The following PSD3 variants were observed in gnomAD, a reference collection of about 807,000 sequenced individuals.
PSD3 encodes pleckstrin and Sec7 domain containing 3, also known as PH and SEC7 domain-containing protein 3.
Under a neutral mutation model 105.5 loss-of-function variants are expected in PSD3, and 49 were observed. The ratio of observed to expected loss-of-function variants is 0.46; its 90% CI spans 0.37 to 0.59. The LOEUF is 0.59. Among genes scored for constraint, PSD3 ranks in the 20% least tolerant of loss-of-function variants. The pLI is 0.00. For synonymous variants in PSD3, 557 were observed against 457.8 expected (o/e 1.22, Z -2.77); for missense variants, 1,561 against 1,263.8 (o/e 1.24, Z -3.57).
intron 9 of PSD3, among the ~76,000 whole-genome samples, chr8:18,666,268 C>G (rs1287598758): frequency 6.6e-6 from 1 of 152,206 alleles, no homozygotes; most frequent in Non-Finnish European, 1.5e-5. Context: ...CCAGGCTGGT[C>G]TTGAACTCCT....
At chr8:18,584,138 C>A (rs1346895298) in intron 12 of PSD3, among the ~76,000 whole-genome samples, 1 of 152,172 alleles carries the variant, frequency 6.6e-6, no homozygotes, top group Non-Finnish European at 1.5e-5. Flanking sequence ...ATGTACTCAA[C>A]TAATAGAAGA....
chr8:18,606,505 G>C (rs1210580229), intron 11 of PSD3, among the ~76,000 whole-genome samples: 4 of 152,188 alleles, frequency 2.6e-5, no homozygotes, highest in Non-Finnish European at 5.9e-5. Flanking sequence ...TTATGGGAGA[G>C]TTTCAGAATC....
At chr8:18,809,150 T>G (rs1366826773) in intron 4 of PSD3, among the ~76,000 whole-genome samples, 1 of 152,230 alleles carries the variant, frequency 6.6e-6, no homozygotes, top group Non-Finnish European at 1.5e-5. Context: ...TCTAGTCTGC[T>G]GAGCATTAGA....
At chr8:18,741,923 T>G (rs1176956645) in intron 9 of PSD3, among the ~76,000 whole-genome samples, 6 of 151,234 alleles carry the variant, frequency 4.0e-5, no homozygotes, top group Non-Finnish European at 7.4e-5. Context: ...AAATGAGATC[T>G]AAAAGATTTA....
In PSD3 at chr8:18,872,741, G is replaced by C; in HGVS notation, c.131-8C>G. 13 of 1,540,496 alleles carry C rather than the reference G, an allele frequency of 8.4e-6. No homozygotes were observed. Among genetic ancestry groups the C allele is most frequent in the African/African-American group, 1.4e-5 (1 of 72,432 alleles). The stretch of plus-strand genomic sequence containing the variant: ...TGCTTCCTCCATGATCACCTGTGAA[G>C]AGAACACAATGGACATATGACTTGT... On this transcript the variant is annotated splice_polypyrimidine_tract_variant and splice_region_variant and intron_variant, in intron 2 of 15. Transcript: ENST00000327040.
chr8:18,721,710 C>G (rs1047058368), intron 9 of PSD3, among the ~76,000 whole-genome samples: 31 of 152,112 alleles, frequency 2.0e-4, no homozygotes, highest in African/African-American at 7.2e-4. Flanking sequence ...TAACACAGGG[C>G]AAGAGGGAGG....
chr8:18,981,478 TA>T (rs1182118580), intron 1 of PSD3, among the ~76,000 whole-genome samples: 2 of 152,138 alleles, frequency 1.3e-5, no homozygotes, highest in African/African-American at 4.8e-5. Context: ...GAGATAACCA[TA>T]AAACAAACTC....
At chr8:18,920,448 G>C (rs1159706847) in intron 2 of PSD3, among the ~76,000 whole-genome samples, 1 of 152,198 alleles carries the variant, frequency 6.6e-6, no homozygotes, top group Non-Finnish European at 1.5e-5. Flanking sequence ...GACAGATACA[G>C]CGGTATTGAA....
intron 11 of PSD3, among the ~76,000 whole-genome samples, chr8:18,607,701 C>CA (rs59065515): frequency 1.4e-4 from 14 of 97,290 alleles, no homozygotes; most frequent in South Asian, 3.2e-4. Flanking sequence ...AAAAACAAAA[C>CA]AAAAAAAAAA....
intron 9 of PSD3, among the ~76,000 whole-genome samples, chr8:18,697,929 T>C (rs1449372646): frequency 6.6e-6 from 1 of 152,222 alleles, no homozygotes; most frequent in Non-Finnish European, 1.5e-5. Context: ...TGTGGAAAGA[T>C]GAATAATGGT....
At chr8:18,745,340 TAAA>T (rs1804921330) in intron 9 of PSD3, among the ~76,000 whole-genome samples, 1 of 152,234 alleles carries the variant, frequency 6.6e-6, no homozygotes, top group Admixed American at 6.5e-5. Context: ...TTTTCTGTAA[TAAA>T]AACCTGTCCC....
chr8:19,018,882 C>T (rs1230356169), intron 1 of PSD3, among the ~76,000 whole-genome samples: 4 of 152,110 alleles, frequency 2.6e-5, no homozygotes, highest in African/African-American at 7.2e-5. Flanking sequence ...CTGCAGCCTC[C>T]GCCTCCCGTG....
chr8:18,810,831 C>T (rs1353620015), intron 4 of PSD3, among the ~76,000 whole-genome samples: 1 of 152,152 alleles, frequency 6.6e-6, no homozygotes, highest in Admixed American at 6.5e-5. Context: ...AGGCTGATGA[C>T]ATAGAAACAC....
chr8:18,638,154 CAAA>C (rs34328764), intron 10 of PSD3, among the ~76,000 whole-genome samples: 6 of 72,250 alleles, frequency 8.3e-5, no homozygotes, highest in Admixed American at 1.5e-4. Flanking sequence ...GATTCCATCT[CAAA>C]AAAAAAAAAA....
chr8:18,962,487 G>A (rs934815902), intron 1 of PSD3, among the ~76,000 whole-genome samples: 4 of 152,124 alleles, frequency 2.6e-5, no homozygotes, highest in Non-Finnish European at 5.9e-5. Flanking sequence ...GGTGGGAGGA[G>A]GAGATAATAT....
chr8:19,078,015 T>C (rs943811957), intron 1 of PSD3, among the ~76,000 whole-genome samples: 75 of 152,264 alleles, frequency 4.9e-4, no homozygotes, highest in African/African-American at 1.7e-3. Context: ...CTATAGTCTA[T>C]AAATCTACAA....
At chr8:19,041,263 G>A (rs1466863035) in intron 1 of PSD3, among the ~76,000 whole-genome samples, 2 of 152,128 alleles carry the variant, frequency 1.3e-5, no homozygotes, top group Non-Finnish European at 2.9e-5. Context: ...GTAAACCAGA[G>A]GCAAACTGCG....
intron 9 of PSD3, among the ~76,000 whole-genome samples, chr8:18,736,598 G>A (rs1173874669): frequency 2.0e-5 from 3 of 152,132 alleles, no homozygotes; most frequent in African/African-American, 7.2e-5. Flanking sequence ...GATCATCAAT[G>A]GGGCTGTAGT....
At chr8:18,917,071 C>A (rs1820664533) in intron 2 of PSD3, among the ~76,000 whole-genome samples, 1 of 152,038 alleles carries the variant, frequency 6.6e-6, no homozygotes, top group Non-Finnish European at 1.5e-5. Flanking sequence ...CCCCCAAATC[C>A]TCCCTCCCAT....
Sources: allele counts gnomAD v4.1 joint callset (sites outside exome capture counted in the v4.1 genomes callset), GRCh38; gene constraint gnomAD v4.1.1; transcripts MANE v1.5; gene names NCBI Gene and HGNC (gene_info 2026-07-23, HGNC 2026-07-21).